The following DNAAF11 variants were observed in gnomAD, a reference collection of about 807,000 sequenced individuals.
DNAAF11 encodes dynein axonemal assembly factor 11.
A neutral mutation model predicts 60.8 loss-of-function variants in DNAAF11; 45 were observed. That is an observed-to-expected ratio of 0.74 (90% CI 0.58 to 0.95). DNAAF11 has a LOEUF of 0.95. Ranked by LOEUF, DNAAF11 falls within the 40% of genes least tolerant of loss-of-function variation. DNAAF11 has a pLI of 0.00. For synonymous variants in DNAAF11, 191 were observed against 183.5 expected (o/e 1.04, Z -0.33); for missense variants, 546 against 546.2 (o/e 1.00, Z 0.00).
At chr8:132,645,867 T>A (rs913115694) in intron 3 of DNAAF11, among the ~76,000 whole-genome samples, 5 of 152,220 alleles carry the variant, frequency 3.3e-5, no homozygotes, top group African/African-American at 1.2e-4. Context: ...CTGATTGGTG[T>A]ACCTGAAAGT....
chr8:132,618,804 G>A (rs1819456233), intron 7 of DNAAF11, among the ~76,000 whole-genome samples: 1 of 152,194 alleles, frequency 6.6e-6, no homozygotes, highest in Admixed American at 6.5e-5. Flanking sequence ...AACAACAGGT[G>A]TTGGAGAGGA....
Position 132,652,039 on chromosome 8 carries a change from T to C in DNAAF11, c.256+4791A>G, listed in dbSNP as rs1413556987. Among the ~76,000 whole-genome samples the C allele has an allele frequency of 2.0e-5, 3 of 152,254 alleles. No homozygotes were observed. In the East Asian group the frequency reaches 5.8e-4, roughly 29 times the overall value. ...GTTATTAAAGAATCTTAATAGTCAC[T>C]GGAATATCCATTTTTACCCTAGTAG... On this transcript the variant is annotated intron_variant, in intron 3 of 11. Coordinates refer to ENST00000620350, the MANE Select transcript of DNAAF11 (RefSeq NM_012472.6).
intron 10 of DNAAF11, among the ~76,000 whole-genome samples, chr8:132,588,338 A>G (rs1816115415): frequency 6.6e-6 from 1 of 152,208 alleles, no homozygotes; most frequent in African/African-American, 2.4e-5. Context: ...CTGTGAGTTT[A>G]GCCTGGCTTC....
intron 3 of DNAAF11, among the ~76,000 whole-genome samples, chr8:132,639,591 T>C (rs956276307): frequency 2.0e-5 from 3 of 152,190 alleles, no homozygotes; most frequent in East Asian, 1.9e-4. Context: ...CTGAAGGCTA[T>C]ATAATGGAAC....
At chr8:132,675,756 T>C (rs1825736401), upstream of DNAAF11, 1 of 410,466 alleles carries the variant, frequency 2.4e-6, no homozygotes, top group Non-Finnish European at 4.3e-6. Context: ...ACTTCCGACT[T>C]GCCACAGACT....
At chr8:132,593,758 G>A (rs1287622933) in intron 10 of DNAAF11, among the ~76,000 whole-genome samples, 1 of 152,006 alleles carries the variant, frequency 6.6e-6, no homozygotes, top group East Asian at 1.9e-4. Flanking sequence ...CCTTCTTTAT[G>A]AGGCCATTGA....
chr8:132,610,901 T>C (rs973178901), intron 9 of DNAAF11, among the ~76,000 whole-genome samples: 4 of 152,124 alleles, frequency 2.6e-5, no homozygotes, highest in Admixed American at 6.5e-5. Flanking sequence ...TTTATTTATT[T>C]ATTTATTTTT....
At chr8:132,584,751 G>A (rs7814593) in intron 10 of DNAAF11, among the ~76,000 whole-genome samples, 8,123 of 152,208 alleles carry the variant, frequency 0.053, 278 homozygotes, top group Middle Eastern at 0.088. Flanking sequence ...CAAGGGTGAA[G>A]GCTATCTGCC....
the DNAAF11 span, among the ~76,000 whole-genome samples, chr8:132,685,927 T>A: frequency 6.6e-6 from 1 of 152,060 alleles, no homozygotes; most frequent in African/African-American, 2.4e-5. Flanking sequence ...CAGCAAATAG[T>A]ATTGAGTCCC....
chr8:132,632,678 G>C, intron 5 of DNAAF11, 62 bp downstream of exon 5: 1 of 1,134,468 alleles, frequency 8.8e-7, no homozygotes, highest in East Asian at 2.3e-5. Flanking sequence ...AACTTGGAAA[G>C]AGAATACAGT....
chr8:132,675,840 G>T (rs1563730049), upstream of DNAAF11, among the ~76,000 whole-genome samples: 1 of 152,288 alleles, frequency 6.6e-6, no homozygotes. Context: ...TGCCTTCCAG[G>T]CTTGCCTTCC....
chr8:132,697,124 T>G, the DNAAF11 span, among the ~76,000 whole-genome samples: 1 of 152,198 alleles, frequency 6.6e-6, no homozygotes, highest in South Asian at 2.1e-4. Flanking sequence ...ATAGGCAATT[T>G]TATAGACTGT....
intron 10 of DNAAF11, among the ~76,000 whole-genome samples, chr8:132,601,539 A>T (rs1487643885): frequency 1.3e-5 from 2 of 152,220 alleles, no homozygotes; most frequent in African/African-American, 4.8e-5. Flanking sequence ...TCCATTAATG[A>T]TAGACTGGAT....
chr8:132,639,388 C>A (rs1166442394), intron 3 of DNAAF11, among the ~76,000 whole-genome samples: 1 of 152,030 alleles, frequency 6.6e-6, no homozygotes, highest in African/African-American at 2.4e-5. Context: ...CCTTGTTCTG[C>A]ATTTATGTCT....
chr8:132,661,255 C>T (rs1285424533), intron 2 of DNAAF11, among the ~76,000 whole-genome samples: 1 of 152,128 alleles, frequency 6.6e-6, no homozygotes, highest in Non-Finnish European at 1.5e-5. Flanking sequence ...TACCTGCTCT[C>T]CCAACTCCTT....
chr8:132,646,865 A>T (rs1822450718), intron 3 of DNAAF11, among the ~76,000 whole-genome samples: 1 of 152,192 alleles, frequency 6.6e-6, no homozygotes, highest in African/African-American at 2.4e-5. Flanking sequence ...AGACCTACAA[A>T]GAGACTTAGA....
At chr8:132,643,765 A>T in intron 3 of DNAAF11, 1 of 454,918 alleles carries the variant, frequency 2.2e-6, no homozygotes, top group Non-Finnish European at 4.4e-6. Flanking sequence ...TATTGAGTGC[A>T]TTCGTTAGAC....
chr8:132,625,146 G>T, intron 6 of DNAAF11, 126 bp downstream of exon 6: 1 of 638,106 alleles, frequency 1.6e-6, no homozygotes, highest in Admixed American at 3.8e-5. Context: ...GCTATACTTA[G>T]AAAAAACAAA....
the DNAAF11 span, among the ~76,000 whole-genome samples, chr8:132,690,828 G>T: frequency 6.6e-6 from 1 of 152,170 alleles, no homozygotes; most frequent in South Asian, 2.1e-4. Context: ...TGTGTTTCTT[G>T]TGATTAAACT....
Sources: gnomAD v4.1 joint callset for allele counts (sites outside exome capture counted in the v4.1 genomes callset) on GRCh38, gnomAD v4.1.1 for gene constraint, MANE v1.5 for transcripts, NCBI Gene and HGNC (gene_info 2026-07-23, HGNC 2026-07-21) for gene names.